Variants in TTC7B observed in about 807,000 individuals in gnomAD.
TTC7B encodes tetratricopeptide repeat domain 7B.
A neutral mutation model predicts 106.8 loss-of-function variants in TTC7B; 28 were observed. That is an observed-to-expected ratio of 0.26 (90% CI 0.19 to 0.36). The LOEUF is 0.36. TTC7B is among the 10% of genes least tolerant of loss of function. The probability of loss-of-function intolerance (pLI) is 1.00; values close to 1 mark genes in which losing one functional copy is unlikely to be tolerated. For synonymous variants in TTC7B, 405 were observed against 430.6 expected (o/e 0.94, Z 0.74); for missense variants, 862 against 1,076.4 (o/e 0.80, Z 2.79).
At chr14:90,614,195 G>A (rs1449015016) in intron 16 of TTC7B, among the ~76,000 whole-genome samples, 1 of 152,230 alleles carries the variant, frequency 6.6e-6, no homozygotes, top group Non-Finnish European at 1.5e-5. Context: ...GTCAAGGTAA[G>A]CTCCCAATAT....
chr14:90,755,602 T>C (rs934615528), intron 3 of TTC7B, among the ~76,000 whole-genome samples: 8 of 151,952 alleles, frequency 5.3e-5, no homozygotes, highest in African/African-American at 1.7e-4. Context: ...AAGATTACAG[T>C]GAGCCATGAT....
At position 90,676,680 on chromosome 14, in the gene TTC7B, A is replaced by G. The variant is rs372976604; in HGVS notation, c.1015-20T>C. 8.7e-6 allele frequency: 14 copies of G among 1,612,060 alleles called. No individual in the cohort carries two copies. The African/African-American group carries it at 1.9e-4, about 22-fold the overall frequency. ...GTTGGCCTGAAAAAACATGGAATAG[A>G]GAAGCAGATGGAGAGAGAACCTAGT... On this transcript the variant is annotated intron_variant, in intron 8 of 19. Transcript: ENST00000328459.
chr14:90,731,841 T>C (rs1476793297), intron 4 of TTC7B, among the ~76,000 whole-genome samples: 1 of 152,222 alleles, frequency 6.6e-6, no homozygotes, highest in Admixed American at 6.5e-5. Context: ...GTCAAGACTT[T>C]CTCTGTGAAT....
intron 7 of TTC7B, among the ~76,000 whole-genome samples, chr14:90,688,069 C>A (rs765288276): frequency 6.6e-6 from 1 of 152,258 alleles, no homozygotes; most frequent in African/African-American, 2.4e-5. Context: ...ACTTCAGAAG[C>A]AGCCACCTCA....
intron 15 of TTC7B, among the ~76,000 whole-genome samples, chr14:90,619,073 T>A (rs1324658710): frequency 6.6e-6 from 1 of 152,168 alleles, no homozygotes; most frequent in Non-Finnish European, 1.5e-5. Context: ...CCGGCTAATT[T>A]TTGTATTTTT....
In TTC7B at chr14:90,765,896, C is replaced by T. The variant is rs569874148; in HGVS notation, c.445+14842G>A. Among the ~76,000 whole-genome samples, 8 of 152,326 alleles carry T rather than the reference C, an allele frequency of 5.3e-5. No homozygotes were observed. The East Asian group carries it at 1.4e-3, about 26-fold the overall frequency. ...TTGCAAGCCACCCCACATACACCAA[C>T]AGAAGTGACATCCAGAGGATTTAAA... On this transcript the variant is annotated intron_variant, in intron 3 of 19. Transcript: ENST00000328459.
intron 18 of TTC7B, among the ~76,000 whole-genome samples, chr14:90,580,643 T>G (rs1222849512): frequency 6.6e-6 from 1 of 152,236 alleles, no homozygotes; most frequent in African/African-American, 2.4e-5. Context: ...GGTGTCCCTG[T>G]CTCCACACTT....
chr14:90,685,557 T>A (rs1201236181), intron 7 of TTC7B, among the ~76,000 whole-genome samples: 1 of 152,126 alleles, frequency 6.6e-6, no homozygotes, highest in Non-Finnish European at 1.5e-5. Flanking sequence ...AAACCCAAAG[T>A]TGGTTCCTCA....
intron 15 of TTC7B, among the ~76,000 whole-genome samples, chr14:90,622,082 A>G (rs940090569): frequency 2.0e-5 from 3 of 151,924 alleles, no homozygotes; most frequent in African/African-American, 7.3e-5. Flanking sequence ...TGCAGGTGAG[A>G]CTGTAAGCTA....
chr14:90,585,423 C>A (rs1240447078), intron 18 of TTC7B, among the ~76,000 whole-genome samples: 1 of 152,216 alleles, frequency 6.6e-6, no homozygotes, highest in Admixed American at 6.5e-5. Context: ...GCCAAGTGGA[C>A]CCCGAGCCTC....
intron 5 of TTC7B, among the ~76,000 whole-genome samples, chr14:90,720,401 G>A (rs373819410): frequency 2.0e-5 from 3 of 152,160 alleles, no homozygotes; most frequent in East Asian, 1.9e-4. Context: ...AAGCCTGTCT[G>A]GCTGCTCACC....
At position 90,575,267 on chromosome 14, in the gene TTC7B, G is replaced by T. The variant is rs1014034851; in HGVS notation, c.2310+2839C>A. On this transcript the variant is annotated intron_variant, in intron 19 of 19. Coordinates refer to ENST00000328459, the MANE Select transcript of TTC7B (RefSeq NM_001010854.2). The surrounding 1 kb of genome is among the most constrained non-coding windows in gnomAD (Gnocchi z 5.2). The stretch of plus-strand genomic sequence containing the variant: ...TAATCTGTCTGCATGTTGTATTGGC[G>T]CGGTTATCCTCATTTATATAGCTGA... 6.6e-6 allele frequency among the ~76,000 whole-genome samples: 1 copy of T among 152,182 alleles called. No homozygotes were observed. The highest frequency in any genetic ancestry group is 1.5e-5 in the Non-Finnish European group (1 of 68,040).
chr14:90,689,828 C>T (rs529556133), intron 6 of TTC7B, 116 bp from the exon 7 acceptor site: 15 of 1,202,626 alleles, frequency 1.2e-5, no homozygotes, highest in African/African-American at 1.5e-5. Context: ...CTGCAAGGCT[C>T]ATAATTAAAA....
chr14:90,578,177 C>T lies in TTC7B; in HGVS notation c.2239G>A (p.Asp747Asn), dbSNP rs746598919. 3 of 1,613,968 alleles carry T rather than the reference C, an allele frequency of 1.9e-6. No individual in the cohort carries two copies. The Admixed American group carries it at 5.0e-5, about 27-fold the overall frequency. The change falls in exon 19 of 20, where the codon GAC becomes AAC. Residue 747 changes from aspartate to asparagine, a missense_variant. Transcript: ENST00000328459. This position sits in a 1 kb window ranked among gnomAD's most constrained non-coding sequence, Gnocchi z 4.7. ...TCTTCATACCACCGCCGCGCCTCGT[C>T]CATGCTTCCCCGGAGCTCAGCAATC... ...GQIAELRGSM[D>N]EARRWYEEAL...
chr14:90,697,370 C>T (rs776984211), intron 5 of TTC7B: 1 of 147,180 alleles, frequency 6.8e-6, no homozygotes, highest in Non-Finnish European at 1.5e-5. Context: ...AAGTGAAGGG[C>T]CTGCTCAAGC....
chr14:90,594,540 G>C (rs1286469), intron 17 of TTC7B, among the ~76,000 whole-genome samples: 33,489 of 151,986 alleles, frequency 0.22, 3,685 homozygotes, highest in Non-Finnish European at 0.24. Flanking sequence ...GATTTCAAGA[G>C]AGCAGTTGTT....
intron 6 of TTC7B, among the ~76,000 whole-genome samples, chr14:90,691,218 A>C (rs1425373157): frequency 6.6e-6 from 1 of 152,194 alleles, no homozygotes; most frequent in African/African-American, 2.4e-5. Flanking sequence ...CATTTTCTGA[A>C]TACATTTGCC....
At chr14:90,654,188 G>A (rs997054812) in intron 12 of TTC7B, among the ~76,000 whole-genome samples, 7 of 152,164 alleles carry the variant, frequency 4.6e-5, no homozygotes, top group African/African-American at 1.7e-4. Context: ...ATTGGGAGGG[G>A]CACACGGAGG....
rs1889404618 is a variant in TTC7B at position 90,535,739 on chromosome 14, C to T, written c.*5629G>A. The T allele has an allele frequency of 6.6e-6, 1 of 152,310 alleles. No homozygotes were observed. The highest frequency in any genetic ancestry group is 2.4e-5 in the African/African-American group (1 of 41,470). 9.4% of individuals were successfully genotyped at this position (152,310 alleles called of 1,614,324 possible). A position where few individuals can be genotyped will look rare whatever the true frequency, so the allele number is the denominator to read the frequency against. On this transcript the variant is annotated 3_prime_UTR_variant, in exon 20 of 20. Coordinates refer to ENST00000328459, the MANE Select transcript of TTC7B (RefSeq NM_001010854.2). ...AGCTTGGGCTGCCGTAAGAAAACCG[C>T]CACAGACAGGTGGCTTCAACAATGA... is the stretch of plus-strand genomic sequence containing the variant.
Sources: allele counts gnomAD v4.1 joint callset (sites outside exome capture counted in the v4.1 genomes callset), GRCh38; gene constraint gnomAD v4.1.1; non-coding constraint Gnocchi (gnomAD v3.1); transcripts MANE v1.5; gene names NCBI Gene and HGNC (gene_info 2026-07-23, HGNC 2026-07-21).